ABI2: variants seen among roughly 807,000 people sequenced by gnomAD.
ABI2 encodes the protein abl interactor 2, also known as abelson interactor 2.
Under a neutral mutation model 59.2 loss-of-function variants are expected in ABI2, and 25 were observed. The ratio of observed to expected loss-of-function variants is 0.42; its 90% CI spans 0.31 to 0.59. The LOEUF is 0.59. Among genes scored for constraint, ABI2 ranks in the 20% least tolerant of loss-of-function variants. The pLI, the probability that ABI2 is intolerant of heterozygous loss-of-function variation, is 0.14. For missense variants in ABI2, 545 were observed against 681.8 expected, an observed-to-expected ratio of 0.80 and a Z score of 2.23; for synonymous variants, 213 against 235.5, an observed-to-expected ratio of 0.90 and a Z score of 0.87.
At chr2:203,342,365 G>A (rs2080473358) in intron 1 of ABI2, 1 of 350,788 alleles carries the variant, frequency 2.9e-6, no homozygotes, top group African/African-American at 2.2e-5. Flanking sequence ...TTGATGTTAT[G>A]TGGCCTTACC....
At chr2:203,359,429 C>A (rs1391369540) in intron 1 of ABI2, among the ~76,000 whole-genome samples, 1 of 152,088 alleles carries the variant, frequency 6.6e-6, no homozygotes, top group Non-Finnish European at 1.5e-5. Context: ...GATCCCAAAT[C>A]TGTACTTTGC....
rs947817932 is a variant in ABI2 at position 203,361,277 on chromosome 2, C to T, written c.118-5600C>T. On this transcript the variant is annotated intron_variant, in intron 1 of 11. Transcript: ENST00000261018. ...TCCTGAGGGGATGGGAGTCAATTCT[C>T]GGGCTTAAATCACCATATGAAAGTG... Among the ~76,000 whole-genome samples, 8 of 152,064 alleles carry T rather than the reference C, an allele frequency of 5.3e-5. No individual in the cohort carries two copies. The East Asian group carries it at 5.8e-4, about 11-fold the overall frequency.
intron 1 of ABI2, among the ~76,000 whole-genome samples, chr2:203,361,223 CT>C (rs2093448236): frequency 6.6e-6 from 1 of 152,158 alleles, no homozygotes. Context: ...GGTTGGTGTG[CT>C]TTTGGCAGGC....
chr2:203,355,704 G>A (rs142515241), intron 1 of ABI2, among the ~76,000 whole-genome samples: 3,172 of 151,632 alleles, frequency 0.021, 128 homozygotes, highest in African/African-American at 0.073. Context: ...GGTGGCGCAC[G>A]CCTGTAATCC....
At chr2:203,344,989 G>A (rs1206477918) in intron 1 of ABI2, among the ~76,000 whole-genome samples, 2 of 152,212 alleles carry the variant, frequency 1.3e-5, no homozygotes, top group Non-Finnish European at 1.5e-5. Context: ...GGACCAATCA[G>A]TAGGACGTGG....
intron 1 of ABI2, among the ~76,000 whole-genome samples, chr2:203,346,400 C>T (rs921869672): frequency 2.0e-5 from 3 of 152,142 alleles, no homozygotes; most frequent in African/African-American, 7.2e-5. Flanking sequence ...ATATATGGGA[C>T]TAATAGGCAT....
chr2:203,342,596 T>G (rs1283235619), intron 1 of ABI2, among the ~76,000 whole-genome samples: 1 of 58,706 alleles, frequency 1.7e-5, no homozygotes, highest in African/African-American at 4.4e-5. Context: ...TTATTTATTT[T>G]TGAGACAAGG....
In ABI2 at chr2:203,394,544, T is replaced by C. The variant is rs1037951835; in HGVS notation, c.579-156T>C. 4 of 658,072 alleles carry C rather than the reference T, an allele frequency of 6.1e-6. No individual in the cohort carries two copies. The African/African-American group carries it at 7.3e-5, about 12-fold the overall frequency. The allele number at this position is 658,072 out of a possible 1,614,324, so 40.8% of individuals were successfully genotyped here. A position where few individuals can be genotyped will look rare whatever the true frequency, so the allele number is the denominator to read the frequency against. ...CACCAAAACCCTAATGGTGGAGAAGTGATACATTAGTAAAGACTGAAATTG... is the reference window on the plus strand; with the variant it reads ...CACCAAAACCCTAATGGTGGAGAAGCGATACATTAGTAAAGACTGAAATTG... On this transcript the variant is annotated intron_variant, in intron 5 of 11. Transcript: ENST00000261018.
At chr2:203,401,798 A>G (rs1281039714) in intron 8 of ABI2, among the ~76,000 whole-genome samples, 2 of 151,910 alleles carry the variant, frequency 1.3e-5, no homozygotes, top group Non-Finnish European at 2.9e-5. Flanking sequence ...GAAATACTTC[A>G]TTTTCCTTTA....
At chr2:203,385,272 C>G (rs2096447895) in intron 4 of ABI2, among the ~76,000 whole-genome samples, 1 of 151,326 alleles carries the variant, frequency 6.6e-6, no homozygotes, top group Non-Finnish European at 1.5e-5. Flanking sequence ...GCTGGGACTA[C>G]AGGCGCCCGC....
chr2:203,427,685 T>C lies in ABI2; in HGVS notation c.*333T>C. ...AAAAATCTGGGATCTTTCTCAGGAA[T>C]ACTGTATACCCTTGGGATTTCTCCT... On this transcript the variant is annotated 3_prime_UTR_variant, in exon 12 of 12. Coordinates refer to ENST00000261018, the MANE Select transcript of ABI2 (RefSeq NM_001375670.1). 2 of 193,190 alleles carry C rather than the reference T, an allele frequency of 1.0e-5. No homozygotes were observed. Among genetic ancestry groups the C allele is most frequent in the South Asian group, 2.6e-4 (2 of 7,596 alleles). 12.0% of individuals were successfully genotyped at this position (193,190 alleles called of 1,614,324 possible). A position where few individuals can be genotyped will look rare whatever the true frequency, so the allele number is the denominator to read the frequency against.
intron 2 of ABI2, among the ~76,000 whole-genome samples, chr2:203,372,624 C>G (rs1461378885): frequency 1.3e-5 from 2 of 151,644 alleles, no homozygotes; most frequent in African/African-American, 4.8e-5. Flanking sequence ...CCCCACCTCC[C>G]TCCCAGACGG....
chr2:203,411,910 C>T (rs2097691810), intron 10 of ABI2, among the ~76,000 whole-genome samples: 1 of 152,126 alleles, frequency 6.6e-6, no homozygotes, highest in South Asian at 2.1e-4. Flanking sequence ...TAAGGGAGCT[C>T]AGGAGGCTGA....
chr2:203,366,868 T>A lies in ABI2; in HGVS notation c.118-9T>A. 1 of 1,528,794 alleles carries A rather than the reference T, an allele frequency of 6.5e-7. No homozygotes were observed. Among genetic ancestry groups the A allele is most frequent in the Non-Finnish European group, 8.8e-7 (1 of 1,133,092 alleles). 94.7% of individuals were successfully genotyped at this position (1,528,794 alleles called of 1,614,324 possible). A position where few individuals can be genotyped will look rare whatever the true frequency, so the allele number is the denominator to read the frequency against. On this transcript the variant is annotated splice_polypyrimidine_tract_variant and intron_variant, in intron 1 of 11. Coordinates refer to ENST00000261018, the MANE Select transcript of ABI2 (RefSeq NM_001375670.1). ...GAATTAATGATCACTGGTTTGTTTT[T>A]TTTCCCAGTCAGCAGATAAGCAGAG...
At chr2:203,358,099 GTGTGTGTGTGTGTGTT>G (rs1279229762) in intron 1 of ABI2, among the ~76,000 whole-genome samples, 1 of 145,810 alleles carries the variant, frequency 6.9e-6, no homozygotes, top group Non-Finnish European at 1.5e-5. Flanking sequence ...GTGTGTGTGT[GTGTGTGTGTGTGTGTT>G]TGTTTGTTTG....
At chr2:203,372,069 C>G (rs1337134836) in intron 2 of ABI2, among the ~76,000 whole-genome samples, 2 of 151,776 alleles carry the variant, frequency 1.3e-5, no homozygotes, top group East Asian at 1.9e-4. Flanking sequence ...GGCAGAGGAC[C>G]CTGCGGCCTT....
intron 2 of ABI2, among the ~76,000 whole-genome samples, chr2:203,375,480 GTTGAAC>G (rs1413005694): frequency 6.6e-6 from 1 of 152,136 alleles, no homozygotes; most frequent in Non-Finnish European, 1.5e-5. Context: ...AAATATCAGT[GTTGAAC>G]TTGTACTTCC....
intron 2 of ABI2, among the ~76,000 whole-genome samples, chr2:203,377,803 A>G (rs2153175918): frequency 6.6e-6 from 1 of 152,262 alleles, no homozygotes; most frequent in South Asian, 2.1e-4. Flanking sequence ...CTCCTTAGGA[A>G]GCTCAGGCGG....
intron 1 of ABI2, among the ~76,000 whole-genome samples, chr2:203,336,710 A>G (rs1424518793): frequency 6.6e-6 from 1 of 152,168 alleles, no homozygotes; most frequent in African/African-American, 2.4e-5. Context: ...ATCTTTTACT[A>G]CTATTCCTTC....
Sources: gnomAD v4.1 joint callset for allele counts (sites outside exome capture counted in the v4.1 genomes callset) on GRCh38, gnomAD v4.1.1 for gene constraint, MANE v1.5 for transcripts, NCBI Gene and HGNC (gene_info 2026-07-23, HGNC 2026-07-21) for gene names.